Variants in ATP9A observed in about 807,000 individuals in gnomAD.
ATP9A encodes the protein probable phospholipid-transporting ATPase IIA.
In ATP9A, 52 loss-of-function variants were observed where a neutral mutation model predicts 144.1. The ratio of observed to expected loss-of-function variants is 0.36; its 90% CI spans 0.29 to 0.45. The LOEUF (loss-of-function observed/expected upper bound fraction) is 0.45, where lower values mean the gene tolerates loss of function less well. ATP9A is among the 20% of genes least tolerant of loss of function. ATP9A has a pLI of 1.00. For synonymous variants in ATP9A, 582 were observed against 557.4 expected (o/e 1.04, Z -0.62); for missense variants, 947 against 1,392.7 (o/e 0.68, Z 5.09).
At chr20:51,676,670 G>A (rs558398148) in intron 9 of ATP9A, among the ~76,000 whole-genome samples, 1 of 152,098 alleles carries the variant, frequency 6.6e-6, no homozygotes, top group Non-Finnish European at 1.5e-5. Flanking sequence ...GTAGATACGG[G>A]GTTTCACCAT....
intron 11 of ATP9A, among the ~76,000 whole-genome samples, chr20:51,672,443 T>G (rs1354527489): frequency 6.6e-6 from 1 of 152,148 alleles, no homozygotes; most frequent in East Asian, 1.9e-4. Context: ...ATGTAGAACT[T>G]TGAAGGCTAC....
chr20:51,664,891 T>TA (rs2077426201), intron 13 of ATP9A, among the ~76,000 whole-genome samples: 2 of 150,816 alleles, frequency 1.3e-5, no homozygotes, highest in East Asian at 2.0e-4. Flanking sequence ...GGCTAATTTT[T>TA]TTTTTTTTTT....
At position 51,640,086 on chromosome 20, in the gene ATP9A, G is replaced by A. The variant is rs145782617; in HGVS notation, c.1507-582C>T. Among the ~76,000 whole-genome samples the A allele has an allele frequency of 1.9e-3, 284 of 151,576 alleles. 1 individual carries two copies. Among genetic ancestry groups the A allele is most frequent in the Non-Finnish European group, 3.3e-3 (224 of 67,890 alleles). On this transcript the variant is annotated intron_variant, in intron 14 of 27. Coordinates refer to ENST00000338821, the MANE Select transcript of ATP9A (RefSeq NM_006045.3). ...GGTGACATAGCGAGACTCTGTCCCC[G>A]TCCCCACCCCACACCACCCCCACTC...
intron 1 of ATP9A, among the ~76,000 whole-genome samples, chr20:51,731,530 C>T (rs1186750028): frequency 6.6e-6 from 1 of 151,808 alleles, no homozygotes; most frequent in Admixed American, 6.6e-5. Flanking sequence ...ACCAGCCTGG[C>T]CAACATGGTG....
In ATP9A at chr20:51,605,039, G is replaced by A. The variant is rs965671248; in HGVS notation, c.2804-19C>T. On this transcript the variant is annotated intron_variant, in intron 26 of 27. Coordinates refer to ENST00000338821, the MANE Select transcript of ATP9A (RefSeq NM_006045.3). ...GTGCTCCCTGCAAACACCAGAGAAG[G>A]GTATTCCCCTCACCCTCCCTGCGAA... is the stretch of plus-strand genomic sequence containing the variant. 5 of 1,577,506 alleles carry A rather than the reference G, an allele frequency of 3.2e-6. No homozygotes were observed. Among genetic ancestry groups the A allele is most frequent in the Non-Finnish European group, 4.3e-6 (5 of 1,159,942 alleles).
intron 14 of ATP9A, among the ~76,000 whole-genome samples, chr20:51,653,089 G>A (rs2077373646): frequency 7.0e-6 from 1 of 142,744 alleles, no homozygotes; most frequent in East Asian, 2.3e-4. Context: ...CAGCCTGGGT[G>A]ACAGAGCAAG....
In ATP9A at chr20:51,646,987, T is replaced by C. The variant is rs192121554; in HGVS notation, c.1507-7483A>G. Among the ~76,000 whole-genome samples the C allele has an allele frequency of 3.3e-5, 5 of 152,004 alleles. No individual in the cohort carries two copies. In the East Asian group the frequency reaches 9.7e-4, roughly 30 times the overall value. On this transcript the variant is annotated intron_variant, in intron 14 of 27. Transcript: ENST00000338821. ...AAGTGCAAAAAATTCACTGGGCCGG[T>C]GGGTGCCTGTAATTCCAGCTACTCG...
In ATP9A at chr20:51,605,027, A is replaced by G. The variant is rs1208639040; in HGVS notation, c.2804-7T>C. ...CCGTACATGATGGTGCTCCCTGCAA[A>G]CACCAGAGAAGGGTATTCCCCTCAC... is the stretch of plus-strand genomic sequence containing the variant. On this transcript the variant is annotated splice_region_variant and splice_polypyrimidine_tract_variant and intron_variant, in intron 26 of 27. Coordinates refer to ENST00000338821, the MANE Select transcript of ATP9A (RefSeq NM_006045.3). 1.3e-6 allele frequency: 2 copies of G among 1,598,342 alleles called. No individual in the cohort carries two copies. Among genetic ancestry groups the G allele is most frequent in the Non-Finnish European group, 1.7e-6 (2 of 1,172,044 alleles).
Position 51,599,550 on chromosome 20 carries a change from G to A in ATP9A, c.*1661C>T, listed in dbSNP as rs2077133510. ...GTACTGCAAAACTGCAGAATCATAA[G>A]ACAAAATAGATGTGGTGTCAACAGC... On this transcript the variant is annotated 3_prime_UTR_variant, in exon 28 of 28. Transcript: ENST00000338821. 2 of 152,196 alleles carry A rather than the reference G, an allele frequency of 1.3e-5. No individual in the cohort carries two copies. The highest frequency in any genetic ancestry group is 2.4e-5 in the African/African-American group (1 of 41,440). 9.4% of individuals were successfully genotyped at this position (152,196 alleles called of 1,614,324 possible). A position where few individuals can be genotyped will look rare whatever the true frequency, so the allele number is the denominator to read the frequency against.
At chr20:51,659,357 C>T (rs2426353) in intron 13 of ATP9A, among the ~76,000 whole-genome samples, 74,098 of 152,090 alleles carry the variant, frequency 0.49, 18,791 homozygotes, top group East Asian at 0.79. Flanking sequence ...TCACTGTATT[C>T]CTAGTATCCA....
intron 13 of ATP9A, among the ~76,000 whole-genome samples, chr20:51,662,461 C>T (rs1193592512): frequency 1.3e-5 from 2 of 151,490 alleles, no homozygotes; most frequent in African/African-American, 4.9e-5. Context: ...AGGAGAATTG[C>T]TTGAACCTGG....
intron 3 of ATP9A, among the ~76,000 whole-genome samples, chr20:51,724,551 C>T (rs919729531): frequency 6.6e-6 from 1 of 152,258 alleles, no homozygotes; most frequent in African/African-American, 2.4e-5. Context: ...ATCTGTCCTA[C>T]GACCTTATTC....
At chr20:51,766,261 A>C (rs1275117349) in intron 1 of ATP9A, among the ~76,000 whole-genome samples, 1 of 152,244 alleles carries the variant, frequency 6.6e-6, no homozygotes. Flanking sequence ...TCAAAGGTCT[A>C]GAATGAATCA....
chr20:51,722,062 C>T (rs1055704781), intron 3 of ATP9A, among the ~76,000 whole-genome samples: 1 of 152,050 alleles, frequency 6.6e-6, no homozygotes, highest in African/African-American at 2.4e-5. Flanking sequence ...TGCTCTTCAA[C>T]AAAACAAACA....
chr20:51,714,745 A>G (rs993413748), intron 3 of ATP9A, among the ~76,000 whole-genome samples: 1 of 152,246 alleles, frequency 6.6e-6, no homozygotes, highest in Non-Finnish European at 1.5e-5. Context: ...CAGCCTCCCA[A>G]AATGCTGGGA....
rs916984029 is a variant in ATP9A at position 51,597,360 on chromosome 20, G to A, written c.*3851C>T. The A allele has an allele frequency of 6.6e-6, 1 of 151,970 alleles. No homozygotes were observed. The highest frequency in any genetic ancestry group is 2.4e-5 in the African/African-American group (1 of 41,356). 9.4% of individuals were successfully genotyped at this position (151,970 alleles called of 1,614,324 possible). A position where few individuals can be genotyped will look rare whatever the true frequency, so the allele number is the denominator to read the frequency against. On this transcript the variant is annotated 3_prime_UTR_variant, in exon 28 of 28. Transcript: ENST00000338821. ...GGAATATTTTAAGTATATATAAGTG[G>A]CAAAAAAGCTGTACATTAAAAGAAG...
chr20:51,759,991 C>T (rs952940253), intron 1 of ATP9A, among the ~76,000 whole-genome samples: 1 of 152,142 alleles, frequency 6.6e-6, no homozygotes, highest in Non-Finnish European at 1.5e-5. Flanking sequence ...GCTGAGGTGA[C>T]ACAAGGCTTC....
chr20:51,603,619 T>G (rs2077151632), intron 27 of ATP9A, among the ~76,000 whole-genome samples: 1 of 152,024 alleles, frequency 6.6e-6, no homozygotes. Flanking sequence ...GGAAGAGTGA[T>G]GAAACCAGGC....
intron 23 of ATP9A, among the ~76,000 whole-genome samples, chr20:51,610,631 T>C (rs532719941): frequency 2.6e-4 from 40 of 152,186 alleles, no homozygotes; most frequent in African/African-American, 8.7e-4. Context: ...TAAACAGCCC[T>C]ATGGGACTCA....
Sources: allele counts gnomAD v4.1 joint callset (sites outside exome capture counted in the v4.1 genomes callset), GRCh38; gene constraint gnomAD v4.1.1; transcripts MANE v1.5; gene names NCBI Gene and HGNC (gene_info 2026-07-23, HGNC 2026-07-21).